Variants in OSBPL9 observed in about 807,000 individuals in gnomAD.
OSBPL9 encodes oxysterol binding protein like 9.
Under a neutral mutation model 106.6 loss-of-function variants are expected in OSBPL9, and 40 were observed. That is an observed-to-expected ratio of 0.38 (90% CI 0.29 to 0.49). The LOEUF (loss-of-function observed/expected upper bound fraction) is 0.49, where lower values mean the gene tolerates loss of function less well. Among genes scored for constraint, OSBPL9 ranks in the 20% least tolerant of loss-of-function variants. The pLI, the probability that OSBPL9 is intolerant of heterozygous loss-of-function variation, is 0.97. For missense variants in OSBPL9, 609 were observed against 887.2 expected (o/e 0.69, Z 3.98); for synonymous variants, 269 against 295.4 (o/e 0.91, Z 0.92).
At chr1:51,719,879 A>C (rs953112565) in intron 4 of OSBPL9, among the ~76,000 whole-genome samples, 4 of 152,234 alleles carry the variant, frequency 2.6e-5, no homozygotes, top group Admixed American at 6.5e-5. Flanking sequence ...GCCTTGCTAA[A>C]AGTGGGTCAC....
chr1:51,789,074 G>T lies in OSBPL9; in HGVS notation c.*1285G>T. ...TTGCCAGCTCCTACAGTAACCCTGG[G>T]TTTATTAGTCTCAACAAAGGATAAA... On this transcript the variant is annotated 3_prime_UTR_variant, in exon 24 of 24. Coordinates refer to ENST00000428468, the MANE Select transcript of OSBPL9 (RefSeq NM_024586.6). 1 of 719,420 alleles carries T rather than the reference G, an allele frequency of 1.4e-6. No homozygotes were observed. Among genetic ancestry groups the T allele is most frequent in the Non-Finnish European group, 2.3e-6 (1 of 432,456 alleles). The allele number at this position is 719,420 out of a possible 1,614,324, so 44.6% of individuals were successfully genotyped here. A position where few individuals can be genotyped will look rare whatever the true frequency, so the allele number is the denominator to read the frequency against.
the OSBPL9 span, chr1:51,560,970 C>T: frequency 6.6e-6 from 1 of 152,156 alleles, no homozygotes; most frequent in South Asian, 2.1e-4. Flanking sequence ...TGCACTCAGC[C>T]GGGCACGGTG....
upstream of OSBPL9, among the ~76,000 whole-genome samples, chr1:51,615,187 G>T (rs1644022405): frequency 6.6e-6 from 1 of 152,184 alleles, no homozygotes; most frequent in Admixed American, 6.5e-5. Flanking sequence ...GGGAGGTGGA[G>T]GTTGCAGTGA....
At chr1:51,687,837 GCCT>G (rs1263797460) in intron 3 of OSBPL9, among the ~76,000 whole-genome samples, 1 of 152,216 alleles carries the variant, frequency 6.6e-6, no homozygotes, top group African/African-American at 2.4e-5. Context: ...AGTCAGGGAA[GCCT>G]CCTCGTCACA....
intron 2 of OSBPL9, among the ~76,000 whole-genome samples, chr1:51,605,977 CAA>C (rs1643945318): frequency 7.1e-6 from 1 of 140,304 alleles, no homozygotes; most frequent in South Asian, 2.3e-4. Context: ...AAGAAAGAAA[CAA>C]AGAAAGAGAG....
chr1:51,553,214 T>G, the OSBPL9 span, among the ~76,000 whole-genome samples: 2 of 152,096 alleles, frequency 1.3e-5, no homozygotes, highest in South Asian at 2.1e-4. Flanking sequence ...ATTACCTTCC[T>G]TCTTTCTCGT....
chr1:51,601,374 T>C (rs1645324759), intron 2 of OSBPL9, among the ~76,000 whole-genome samples: 1 of 150,724 alleles, frequency 6.6e-6, no homozygotes. Context: ...AGACAGTTTG[T>C]CTGTGGTTCT....
the OSBPL9 span, among the ~76,000 whole-genome samples, chr1:51,553,859 A>T: frequency 6.6e-6 from 1 of 152,000 alleles, no homozygotes; most frequent in South Asian, 2.1e-4. Context: ...TGTGTTTTTA[A>T]TAGAGACAGG....
At chr1:51,730,337 C>A (rs1425610550) in intron 4 of OSBPL9, among the ~76,000 whole-genome samples, 1 of 152,144 alleles carries the variant, frequency 6.6e-6, no homozygotes, top group Non-Finnish European at 1.5e-5. Context: ...TGATTTTAAG[C>A]AGAAAAGTTA....
intron 3 of OSBPL9, among the ~76,000 whole-genome samples, chr1:51,679,173 T>C (rs1338780980): frequency 6.6e-6 from 1 of 152,236 alleles, no homozygotes; most frequent in Non-Finnish European, 1.5e-5. Context: ...TTCACTGATG[T>C]ACTTTTCTTC....
chr1:51,608,682 G>A (rs968620243), intron 2 of OSBPL9, among the ~76,000 whole-genome samples: 4 of 151,676 alleles, frequency 2.6e-5, no homozygotes, highest in South Asian at 2.1e-4. Flanking sequence ...TGGATTGGGG[G>A]GGGGGGCTTT....
chr1:51,674,990 A>G (rs1312954001), intron 3 of OSBPL9, among the ~76,000 whole-genome samples: 1 of 152,240 alleles, frequency 6.6e-6, no homozygotes, highest in Non-Finnish European at 1.5e-5. Flanking sequence ...ATCCTGTGCT[A>G]CATGCAGCCT....
intron 1 of OSBPL9, among the ~76,000 whole-genome samples, chr1:51,594,691 C>T (rs1172176729): frequency 6.6e-6 from 1 of 152,222 alleles, no homozygotes. Context: ...TAGTAAGCTA[C>T]CTGCCCAGTG....
chr1:51,695,131 A>G (rs1043032341), intron 3 of OSBPL9, among the ~76,000 whole-genome samples: 2 of 152,210 alleles, frequency 1.3e-5, no homozygotes, highest in Non-Finnish European at 2.9e-5. Context: ...CACAGAGACT[A>G]TGTATTAAAT....
intron 15 of OSBPL9, among the ~76,000 whole-genome samples, chr1:51,779,525 C>T (rs1053683342): frequency 2.0e-5 from 3 of 152,060 alleles, no homozygotes; most frequent in Non-Finnish European, 2.9e-5. Context: ...AAAGTGAATG[C>T]AACAAAGATA....
intron 3 of OSBPL9, among the ~76,000 whole-genome samples, chr1:51,675,671 A>T (rs1651013222): frequency 6.6e-6 from 1 of 152,156 alleles, no homozygotes; most frequent in Non-Finnish European, 1.5e-5. Flanking sequence ...CAACCACATG[A>T]AATTACTGTT....
chr1:51,582,667 C>G (rs2148599265), intron 1 of OSBPL9, among the ~76,000 whole-genome samples: 1 of 152,038 alleles, frequency 6.6e-6, no homozygotes, highest in Non-Finnish European at 1.5e-5. Context: ...TGCCTCCCTC[C>G]TTCTCTACAC....
In OSBPL9 at chr1:51,587,213, A is replaced by G. The variant is rs536426028; in HGVS notation, c.-423+9957A>G. Among the ~76,000 whole-genome samples, 6 of 152,234 alleles carry G rather than the reference A, an allele frequency of 3.9e-5. No individual in the cohort carries two copies. In the South Asian group the frequency reaches 6.2e-4, roughly 16 times the overall value. Reference sequence around the variant, plus strand: ...AACCCCATCTCTACTAAAAATACAAAAATTAGCTAGGCGTGGTGGCATGTG... The same window carrying G: ...AACCCCATCTCTACTAAAAATACAAGAATTAGCTAGGCGTGGTGGCATGTG... On this transcript the variant is annotated intron_variant, in intron 1 of 25. Transcript: ENST00000371714.
At chr1:51,697,247 G>A (rs1656230505) in intron 3 of OSBPL9, among the ~76,000 whole-genome samples, 1 of 151,836 alleles carries the variant, frequency 6.6e-6, no homozygotes, top group South Asian at 2.1e-4. Flanking sequence ...CCAAGTTATT[G>A]TACTTTTCAG....
Sources: allele counts gnomAD v4.1 joint callset (sites outside exome capture counted in the v4.1 genomes callset), GRCh38; gene constraint gnomAD v4.1.1; transcripts MANE v1.5; gene names NCBI Gene and HGNC (gene_info 2026-07-23, HGNC 2026-07-21).